GABRG3: variants seen among roughly 807,000 people sequenced by gnomAD.
GABRG3 encodes the protein gamma-aminobutyric acid type A receptor subunit gamma3, also known as gamma-aminobutyric acid receptor subunit gamma-3.
GABRG3 carries 25 observed loss-of-function variants against 48.8 expected under a neutral mutation model. The ratio of observed to expected loss-of-function variants is 0.51; its 90% CI spans 0.37 to 0.72. GABRG3 has a LOEUF of 0.72. Among genes scored for constraint, GABRG3 ranks in the 30% least tolerant of loss-of-function variants. The pLI, the probability that GABRG3 is intolerant of heterozygous loss-of-function variation, is 0.00. For missense variants in GABRG3, 394 were observed against 577.9 expected (o/e 0.68, Z 3.26); for synonymous variants, 227 against 217.6 (o/e 1.04, Z -0.38).
chr15:26,985,191 C>T (rs1895129116), intron 2 of GABRG3, among the ~76,000 whole-genome samples: 1 of 152,224 alleles, frequency 6.6e-6, no homozygotes, highest in African/African-American at 2.4e-5. Flanking sequence ...GCTGCCCACA[C>T]ACCCCACCTG....
At chr15:27,217,911 A>T (rs886810748) in intron 3 of GABRG3, among the ~76,000 whole-genome samples, 1 of 151,976 alleles carries the variant, frequency 6.6e-6, no homozygotes, top group African/African-American at 2.4e-5. Flanking sequence ...TGATGGGAGG[A>T]GGGTGAACTG....
intron 3 of GABRG3, among the ~76,000 whole-genome samples, chr15:27,201,916 CAG>C (rs1461191059): frequency 1.4e-4 from 22 of 152,128 alleles, no homozygotes; most frequent in African/African-American, 5.3e-4. Flanking sequence ...CATCAGGGAA[CAG>C]AAAATCTAAG....
chr15:27,508,377 T>C (rs113967342), intron 6 of GABRG3, among the ~76,000 whole-genome samples: 2 of 152,332 alleles, frequency 1.3e-5, no homozygotes, highest in African/African-American at 4.8e-5. Flanking sequence ...CTGATATATA[T>C]GTAGTATAAA....
At chr15:27,198,251 C>A (rs1888562188) in intron 3 of GABRG3, among the ~76,000 whole-genome samples, 1 of 152,172 alleles carries the variant, frequency 6.6e-6, no homozygotes. Flanking sequence ...GTCTATCCAT[C>A]TGACAAAGGG....
At chr15:27,031,557 A>G (rs1896087630) in intron 3 of GABRG3, among the ~76,000 whole-genome samples, 1 of 152,218 alleles carries the variant, frequency 6.6e-6, no homozygotes, top group South Asian at 2.1e-4. Flanking sequence ...AATTGATGGG[A>G]TGGCTCTGTG....
rs368101374 is a variant in GABRG3 at position 27,537,124 on chromosome 15, TAAAAAAAAAAA to T, written c.*4254_*4264del. ...TAAGAAATTTCATCTGCAATTTCTGTAAAAAAAAAAAAAAAAAAAAAGAATGGCTTAAGCTC... is the reference window on the plus strand; with the variant it reads ...TAAGAAATTTCATCTGCAATTTCTGTAAAAAAAAAAGAATGGCTTAAGCTC... On this transcript the variant is annotated 3_prime_UTR_variant, in exon 10 of 10. Transcript: ENST00000615808. 8.6e-6 allele frequency: 1 copy of T among 115,786 alleles called. No individual in the cohort carries two copies. The highest frequency in any genetic ancestry group is 1.9e-5 in the Non-Finnish European group (1 of 52,750). The allele number at this position is 115,786 out of a possible 1,614,324, so 7.2% of individuals were successfully genotyped here.
intron 5 of GABRG3, among the ~76,000 whole-genome samples, chr15:27,408,626 G>T (rs562317075): frequency 7.4e-4 from 112 of 152,310 alleles, no homozygotes; most frequent in Non-Finnish European, 1.2e-3. Context: ...GGTCTGCCAT[G>T]TTTTGGAATT....
chr15:27,083,273 G>A (rs1231376415), intron 3 of GABRG3, among the ~76,000 whole-genome samples: 1 of 151,818 alleles, frequency 6.6e-6, no homozygotes, highest in East Asian at 1.9e-4. Context: ...CAGAAAGGAA[G>A]TGGCATCAAA....
At chr15:27,302,491 C>T (rs1411203570) in intron 3 of GABRG3, among the ~76,000 whole-genome samples, 1 of 151,966 alleles carries the variant, frequency 6.6e-6, no homozygotes, top group Non-Finnish European at 1.5e-5. Flanking sequence ...ATACATGAAG[C>T]AAAACCAGAC....
At chr15:27,462,801 A>G (rs544433161) in intron 5 of GABRG3, among the ~76,000 whole-genome samples, 1 of 152,364 alleles carries the variant, frequency 6.6e-6, no homozygotes, top group South Asian at 2.1e-4. Context: ...AATTCCAGAA[A>G]GATGACAATA....
At chr15:27,210,165 A>T (rs1889025660) in intron 3 of GABRG3, among the ~76,000 whole-genome samples, 1 of 152,004 alleles carries the variant, frequency 6.6e-6, no homozygotes, top group South Asian at 2.1e-4. Context: ...CTTTGAAGGG[A>T]CCTCCAAGGG....
chr15:27,528,062 A>G (rs1891324442), intron 9 of GABRG3, 70 bp downstream of exon 9: 7 of 1,165,380 alleles, frequency 6.0e-6, no homozygotes, highest in Non-Finnish European at 8.8e-6. Context: ...TTTGAAAGAT[A>G]GATTGCTGTT....
chr15:27,157,195 T>C (rs974565901), intron 3 of GABRG3, among the ~76,000 whole-genome samples: 1 of 152,236 alleles, frequency 6.6e-6, no homozygotes, highest in Non-Finnish European at 1.5e-5. Context: ...TGGGAACTTA[T>C]ATTTGGGAAA....
In GABRG3 at chr15:27,532,769, A is replaced by G. The variant is rs1203687239; in HGVS notation, c.1292A>G (p.Lys431Arg). Reference protein sequence around the residue: ...YEECKSGSWRKGRIHIDILEL... With the variant: ...YEECKSGSWRRGRIHIDILEL... ...GAATGTAAATCAGGATCCTGGAGGAAAGGGCGTATTCACATAGACATCTTG... is the reference window on the plus strand; with the variant it reads ...GAATGTAAATCAGGATCCTGGAGGAGAGGGCGTATTCACATAGACATCTTG... The change falls in exon 10 of 10, where the codon AAA (lysine) becomes AGA (arginine). Residue 431 changes from lysine to arginine, a missense_variant. By Grantham distance (26) the Lys-to-Arg change is conservative. Around this residue, in one of 3 missense-constraint regions of GABRG3, gnomAD observed 126 missense variants for 155.5 expected, o/e 0.81. Transcript: ENST00000615808. 1 of 1,614,024 alleles carries G rather than the reference A, an allele frequency of 6.2e-7. No homozygotes were observed. Among genetic ancestry groups the G allele is most frequent in the South Asian group, 1.1e-5 (1 of 91,076 alleles).
intron 5 of GABRG3, among the ~76,000 whole-genome samples, chr15:27,388,887 CAGAG>C (rs1301243955): frequency 1.3e-5 from 2 of 152,098 alleles, no homozygotes; most frequent in Admixed American, 1.3e-4. Context: ...GACAGAGAGA[CAGAG>C]AGAGACCTGA....
At chr15:27,348,155 C>CAAAAAAA (rs535295684) in intron 5 of GABRG3, among the ~76,000 whole-genome samples, 76,013 of 103,054 alleles carry the variant, frequency 0.74, 29,205 homozygotes, top group East Asian at 0.82. Context: ...GACTCCATCT[C>CAAAAAAA]AAATAAATAA....
At chr15:27,438,666 C>G (rs1175530244) in intron 5 of GABRG3, among the ~76,000 whole-genome samples, 2 of 152,214 alleles carry the variant, frequency 1.3e-5, no homozygotes, top group Non-Finnish European at 2.9e-5. Flanking sequence ...GTCCTTCTGC[C>G]TTGGAGATCT....
At chr15:27,281,503 T>C (rs1891432782) in intron 3 of GABRG3, among the ~76,000 whole-genome samples, 1 of 151,702 alleles carries the variant, frequency 6.6e-6, no homozygotes, top group South Asian at 2.1e-4. Context: ...TACACTTTGA[T>C]TTACCTATAG....
At chr15:27,421,267 A>C (rs1036154027) in intron 5 of GABRG3, among the ~76,000 whole-genome samples, 3 of 152,234 alleles carry the variant, frequency 2.0e-5, no homozygotes, top group Non-Finnish European at 4.4e-5. Context: ...AAAGAGGAAA[A>C]ATAATGAGTT....
Sources: allele counts gnomAD v4.1 joint callset (sites outside exome capture counted in the v4.1 genomes callset), GRCh38; gene constraint gnomAD v4.1.1; regional missense constraint gnomAD v4.1.1; transcripts MANE v1.5; gene names NCBI Gene and HGNC (gene_info 2026-07-23, HGNC 2026-07-21).